Variants in NOVA1 observed in about 807,000 individuals in gnomAD.
NOVA1 encodes NOVA alternative splicing regulator 1, also known as RNA-binding protein Nova-1.
Under a neutral mutation model 38.0 loss-of-function variants are expected in NOVA1, and 7 were observed. The ratio of observed to expected loss-of-function variants is 0.18; its 90% CI spans 0.10 to 0.35. NOVA1 has a LOEUF of 0.35. NOVA1 is among the 10% of genes least tolerant of loss of function. NOVA1 has a pLI of 1.00. For synonymous variants in NOVA1, 270 were observed against 232.5 expected, an observed-to-expected ratio of 1.16 and a Z score of -1.47; for missense variants, 460 against 616.0, an observed-to-expected ratio of 0.75 and a Z score of 2.68.
chr14:26,459,718 T>C (rs894124521), intron 4 of NOVA1, among the ~76,000 whole-genome samples: 6 of 152,218 alleles, frequency 3.9e-5, no homozygotes, highest in African/African-American at 1.4e-4. Context: ...AAGAACTTTT[T>C]AAAATTTTGA....
chr14:26,591,903 A>G (rs1450760772), intron 2 of NOVA1, among the ~76,000 whole-genome samples: 1 of 151,460 alleles, frequency 6.6e-6, no homozygotes, highest in Non-Finnish European at 1.5e-5. Flanking sequence ...ATTTTAAATT[A>G]AGAACCATAA....
rs1175375616 is a variant in NOVA1, at chr14:26,484,457, A to AAAAAAAAAAAAC, written c.281-4315_281-4314insGTTTTTTTTTTT. Among the ~76,000 whole-genome samples, 16 of 102,586 alleles carry AAAAAAAAAAAAC rather than the reference A, an allele frequency of 1.6e-4. 6 individuals carry two copies. The highest frequency in any genetic ancestry group is 1.7e-4 in the African/African-American group (5 of 29,326). The allele number at this position is 102,586 out of a possible 152,430, so 67.3% of individuals were successfully genotyped here. On this transcript the variant is annotated intron_variant, in intron 2 of 4. Transcript: ENST00000539517. ...AAAAAAAAAAAAAAAAAAAAAAAAAAAAAAAGAAATTAATTGTTCTATTTT... is the reference window on the plus strand; with the variant it reads ...AAAAAAAAAAAAAAAAAAAAAAAAAAAAAAAAAAAAACAAAAAGAAATTAATTGTTCTATTTT...
At chr14:26,584,818 G>A (rs1390303038) in intron 2 of NOVA1, among the ~76,000 whole-genome samples, 1 of 151,332 alleles carries the variant, frequency 6.6e-6, no homozygotes, top group Admixed American at 6.6e-5. Flanking sequence ...GACACTAACA[G>A]AGATAATTTC....
At chr14:26,474,960 T>C (rs1466038764) in intron 3 of NOVA1, among the ~76,000 whole-genome samples, 4 of 151,972 alleles carry the variant, frequency 2.6e-5, no homozygotes, top group Non-Finnish European at 5.9e-5. Context: ...TTCCTTTCAG[T>C]TGATTGTTTT....
At chr14:26,559,606 A>G (rs1347749186) in intron 2 of NOVA1, among the ~76,000 whole-genome samples, 2 of 152,154 alleles carry the variant, frequency 1.3e-5, no homozygotes, top group Non-Finnish European at 2.9e-5. Context: ...TAGAACTGGT[A>G]GTCATTATGG....
Position 26,575,457 on chromosome 14 carries a change from C to T in NOVA1, c.280+19953G>A, listed in dbSNP as rs1481974709. On this transcript the variant is annotated intron_variant, in intron 2 of 4. Coordinates refer to ENST00000539517, the MANE Select transcript of NOVA1 (RefSeq NM_002515.3). ...TAAGAAATAACTATGTAATTAATAA[C>T]CACGAAAAATAAAATGTTTTAAGTC... Among the ~76,000 whole-genome samples the T allele has an allele frequency of 7.2e-5, 11 of 152,140 alleles. No homozygotes were observed. In the East Asian group the frequency reaches 1.5e-3, roughly 21 times the overall value.
intron 2 of NOVA1, among the ~76,000 whole-genome samples, chr14:26,492,666 A>C (rs1204373791): frequency 2.6e-5 from 4 of 152,148 alleles, no homozygotes; most frequent in African/African-American, 9.7e-5. Context: ...ATAACAAAAC[A>C]CTTAGTTAAA....
At chr14:26,503,333 C>T (rs1187138336) in intron 2 of NOVA1, among the ~76,000 whole-genome samples, 2 of 151,722 alleles carry the variant, frequency 1.3e-5, no homozygotes, top group African/African-American at 4.8e-5. Context: ...ACAATCACAC[C>T]AAAGGAAGAA....
At chr14:26,512,874 A>G (rs1888202953) in intron 2 of NOVA1, among the ~76,000 whole-genome samples, 1 of 152,026 alleles carries the variant, frequency 6.6e-6, no homozygotes, top group African/African-American at 2.4e-5. Context: ...TAGTCACCTC[A>G]TGTTCAAGAG....
chr14:26,523,332 G>C (rs1314417719), intron 2 of NOVA1, among the ~76,000 whole-genome samples: 4 of 152,310 alleles, frequency 2.6e-5, no homozygotes, highest in South Asian at 4.1e-4. Context: ...TGCAGCTATA[G>C]TGTTACTGCA....
chr14:26,576,831 A>AT (rs1291820636), intron 2 of NOVA1, among the ~76,000 whole-genome samples: 1 of 151,954 alleles, frequency 6.6e-6, no homozygotes, highest in Non-Finnish European at 1.5e-5. Flanking sequence ...AGTCAGATAA[A>AT]TTATCTATCA....
rs146459518 is a variant in NOVA1, at chr14:26,526,704, C to T, written c.281-46561G>A. On this transcript the variant is annotated intron_variant, in intron 2 of 4. Transcript: ENST00000539517. The stretch of plus-strand genomic sequence containing the variant: ...TGGTAAATTGCATGTTTCAGTTTTG[C>T]CTTGAATTTAGAATCAAGGGGATAA... Among the ~76,000 whole-genome samples the T allele has an allele frequency of 4.8e-4, 73 of 152,138 alleles. No individual in the cohort carries two copies. The East Asian group carries it at 7.1e-3, about 15-fold the overall frequency.
chr14:26,455,008 C>A (rs1883042386), intron 4 of NOVA1, among the ~76,000 whole-genome samples: 1 of 152,082 alleles, frequency 6.6e-6, no homozygotes, highest in African/African-American at 2.4e-5. Flanking sequence ...TAAAAATCTG[C>A]CTGTGTGAAT....
intron 2 of NOVA1, among the ~76,000 whole-genome samples, chr14:26,503,655 A>T (rs1887408809): frequency 6.6e-6 from 1 of 152,102 alleles, no homozygotes; most frequent in Admixed American, 6.6e-5. Flanking sequence ...CAAGCAAACA[A>T]TTAGAAAAGT....
intron 2 of NOVA1, among the ~76,000 whole-genome samples, chr14:26,574,267 A>ACACCCCCCCCCCCCCCCCCCCC (rs1566550098): frequency 2.1e-5 from 1 of 47,922 alleles, no homozygotes; most frequent in Non-Finnish European, 3.6e-5. Context: ...CTCGTGATCC[A>ACACCCCCCCCCCCCCCCCCCCC]CCCCCCCCCC....
At chr14:26,526,622 T>C (rs1326191216) in intron 2 of NOVA1, among the ~76,000 whole-genome samples, 1 of 152,128 alleles carries the variant, frequency 6.6e-6, no homozygotes, top group Non-Finnish European at 1.5e-5. Context: ...AACCATATCA[T>C]CATTTTATTC....
chr14:26,473,409 T>C (rs918081314), intron 3 of NOVA1, among the ~76,000 whole-genome samples: 1 of 151,600 alleles, frequency 6.6e-6, no homozygotes, highest in Non-Finnish European at 1.5e-5. Context: ...ATGGGATAGG[T>C]TTTTATATTG....
chr14:26,498,078 G>A (rs116651975), intron 2 of NOVA1, among the ~76,000 whole-genome samples: 1,722 of 152,190 alleles, frequency 0.011, 25 homozygotes, highest in Middle Eastern at 0.058. Context: ...GTGCTAATAT[G>A]GGATATAGTC....
chr14:26,523,875 T>C (rs1792871115), intron 2 of NOVA1, among the ~76,000 whole-genome samples: 2 of 151,320 alleles, frequency 1.3e-5, no homozygotes, highest in South Asian at 2.1e-4. Context: ...CTCAGCCTCC[T>C]GAGTAGCTGG....
Sources: allele counts gnomAD v4.1 joint callset (sites outside exome capture counted in the v4.1 genomes callset), GRCh38; gene constraint gnomAD v4.1.1; transcripts MANE v1.5; gene names NCBI Gene and HGNC (gene_info 2026-07-23, HGNC 2026-07-21).